The following ALK variants were observed in gnomAD, a reference collection of about 807,000 sequenced individuals.
ALK encodes the protein ALK receptor tyrosine kinase.
A neutral mutation model predicts 163.1 loss-of-function variants in ALK; 74 were observed. The observed-to-expected ratio is 0.45, with a 90% CI of 0.38 to 0.55. The LOEUF (loss-of-function observed/expected upper bound fraction) is 0.55, where lower values mean the gene tolerates loss of function less well. Among genes scored for constraint, ALK ranks in the 20% least tolerant of loss-of-function variants. The pLI, the probability that ALK is intolerant of heterozygous loss-of-function variation, is 0.00. For missense variants in ALK, 2,063 were observed against 2,105.3 expected (o/e 0.98, Z 0.39); for synonymous variants, 960 against 843.2 (o/e 1.14, Z -2.40).
At position 29,920,340 on chromosome 2, in the gene ALK, C is replaced by T. The variant is rs762635291; in HGVS notation, c.320G>A (p.Gly107Glu). The T allele has an allele frequency of 8.4e-6, 13 of 1,551,564 alleles. No homozygotes were observed. Among genetic ancestry groups the T allele is most frequent in the East Asian group, 2.4e-5 (1 of 41,168 alleles). The change falls in exon 1 of 29, where the codon GGG (glycine) becomes GAG (glutamate). Residue 107 changes from glycine to glutamate, a missense_variant. Physicochemically the swap from Gly to Glu is moderately conservative, Grantham distance 98. Transcript: ENST00000389048. ...PLLRLLGPAP[G>E]VSWTAGSPAP... Reference sequence around the variant, plus strand: ...TGGTGAACCGGCGGTCCAGGAGACCCCCGGCGCCGGCCCCAGCAACCTGAG... The same window carrying T: ...TGGTGAACCGGCGGTCCAGGAGACCTCCGGCGCCGGCCCCAGCAACCTGAG...
intron 9 of ALK, among the ~76,000 whole-genome samples, chr2:29,279,304 T>C (rs1665646922): frequency 6.6e-6 from 1 of 152,108 alleles, no homozygotes. Context: ...CAGATGGCAA[T>C]ATGGAACCAG....
intron 3 of ALK, among the ~76,000 whole-genome samples, chr2:29,534,553 C>T (rs146371689): frequency 6.6e-6 from 1 of 152,264 alleles, no homozygotes; most frequent in East Asian, 1.9e-4. Flanking sequence ...TGGTCTGAGA[C>T]CATTCTCTGA....
At chr2:29,444,572 C>G (rs577813963) in intron 4 of ALK, among the ~76,000 whole-genome samples, 1 of 151,956 alleles carries the variant, frequency 6.6e-6, no homozygotes, top group South Asian at 2.1e-4. Context: ...ATTATGGGAT[C>G]CTTTATACAA....
intron 1 of ALK, among the ~76,000 whole-genome samples, chr2:29,862,895 T>A (rs1163146863): frequency 6.6e-6 from 1 of 150,968 alleles, no homozygotes; most frequent in Non-Finnish European, 1.5e-5. Context: ...AATCAAAACA[T>A]CATACTGGCA....
intron 1 of ALK, among the ~76,000 whole-genome samples, chr2:29,742,826 C>T (rs972100500): frequency 6.6e-6 from 1 of 152,138 alleles, no homozygotes; most frequent in African/African-American, 2.4e-5. Flanking sequence ...GAGCAAGAGC[C>T]TTCCCTACAC....
At chr2:29,436,242 C>T (rs1670393574) in intron 4 of ALK, among the ~76,000 whole-genome samples, 1 of 152,098 alleles carries the variant, frequency 6.6e-6, no homozygotes, top group South Asian at 2.1e-4. Context: ...TACTTCAATT[C>T]CCCAGGAACC....
intron 1 of ALK, among the ~76,000 whole-genome samples, chr2:29,727,257 G>A (rs1679601528): frequency 6.6e-6 from 1 of 152,186 alleles, no homozygotes; most frequent in Non-Finnish European, 1.5e-5. Context: ...AGGGGAAGAA[G>A]AGGGACAAAA....
At chr2:29,309,246 C>T (rs1666630102) in intron 8 of ALK, among the ~76,000 whole-genome samples, 1 of 152,160 alleles carries the variant, frequency 6.6e-6, no homozygotes, top group African/African-American at 2.4e-5. Context: ...AGTGTGTGCT[C>T]TCAATGGGGT....
rs374696391 is a variant in ALK at position 29,602,301 on chromosome 2, A to AAGAGATTCTGCTCAT, written c.953-70200_953-70186dup. 4.8e-3 allele frequency among the ~76,000 whole-genome samples: 729 copies of AAGAGATTCTGCTCAT among 152,142 alleles called. 8 individuals are homozygous for AAGAGATTCTGCTCAT. Among genetic ancestry groups the AAGAGATTCTGCTCAT allele is most frequent in the African/African-American group, 0.015 (637 of 41,484 alleles). On this transcript the variant is annotated intron_variant, in intron 3 of 28. Transcript: ENST00000389048. Reference sequence around the variant, plus strand: ...GGATCCAACATGGACAGGCTTGGAGAAGAGATTCTGCTCATAGAATCCCAG... The same window carrying AAGAGATTCTGCTCAT: ...GGATCCAACATGGACAGGCTTGGAGAAGAGATTCTGCTCATAGAGATTCTGCTCATAGAATCCCAG...
intron 5 of ALK, among the ~76,000 whole-genome samples, chr2:29,357,833 T>C (rs977049345): frequency 6.6e-6 from 1 of 152,212 alleles, no homozygotes; most frequent in Non-Finnish European, 1.5e-5. Flanking sequence ...TTCCCTTGCA[T>C]ATGGTAGATG....
intron 2 of ALK, among the ~76,000 whole-genome samples, chr2:29,708,979 T>C (rs1297505814): frequency 6.6e-6 from 1 of 152,200 alleles, no homozygotes; most frequent in Non-Finnish European, 1.5e-5. Flanking sequence ...CTGAGGTTGC[T>C]CTCGACAAAA....
intron 4 of ALK, among the ~76,000 whole-genome samples, chr2:29,413,874 G>A (rs1669798359): frequency 1.3e-5 from 2 of 152,088 alleles, no homozygotes; most frequent in South Asian, 4.2e-4. Flanking sequence ...CGCCATGTTG[G>A]CCACTCTGCC....
At chr2:29,866,405 G>C (rs571518260) in intron 1 of ALK, among the ~76,000 whole-genome samples, 2 of 152,316 alleles carry the variant, frequency 1.3e-5, no homozygotes, top group South Asian at 4.1e-4. Flanking sequence ...AGAGGGAGCT[G>C]GTAGCATCTG....
At chr2:29,609,644 A>AT (rs35942433) in intron 3 of ALK, among the ~76,000 whole-genome samples, 43 of 144,130 alleles carry the variant, frequency 3.0e-4, no homozygotes, top group South Asian at 4.5e-4. Flanking sequence ...ACATATTTAC[A>AT]TTTTTTTTTT....
At chr2:29,345,904 A>G (rs1458865915) in intron 5 of ALK, among the ~76,000 whole-genome samples, 1 of 152,210 alleles carries the variant, frequency 6.6e-6, no homozygotes, top group East Asian at 1.9e-4. Flanking sequence ...AGCAAAATCC[A>G]TTTATATACA....
At chr2:29,535,732 G>A (rs969659729) in intron 3 of ALK, among the ~76,000 whole-genome samples, 1 of 152,274 alleles carries the variant, frequency 6.6e-6, no homozygotes, top group Non-Finnish European at 1.5e-5. Context: ...AAAATGAAGT[G>A]TTGGATACAG....
chr2:29,340,061 A>G (rs948730841), intron 5 of ALK, among the ~76,000 whole-genome samples: 5 of 152,110 alleles, frequency 3.3e-5, no homozygotes, highest in African/African-American at 1.2e-4. Flanking sequence ...ATTTATCTTC[A>G]TTGCTTTGCT....
intron 1 of ALK, among the ~76,000 whole-genome samples, chr2:29,776,522 C>T (rs1338562913): frequency 6.6e-6 from 1 of 152,178 alleles, no homozygotes; most frequent in Admixed American, 6.5e-5. Context: ...CCCTCTCGCT[C>T]ATGGCAAATG....
intron 8 of ALK, among the ~76,000 whole-genome samples, chr2:29,297,259 A>C (rs1051423695): frequency 6.6e-6 from 1 of 152,116 alleles, no homozygotes; most frequent in Non-Finnish European, 1.5e-5. Context: ...AACTGAACGA[A>C]TCTGTTAATT....
Sources: gnomAD v4.1 joint callset for allele counts (sites outside exome capture counted in the v4.1 genomes callset) on GRCh38, gnomAD v4.1.1 for gene constraint, MANE v1.5 for transcripts, NCBI Gene and HGNC (gene_info 2026-07-23, HGNC 2026-07-21) for gene names.